Variants in CHSY3 observed in about 807,000 individuals in gnomAD.
CHSY3 encodes chondroitin sulfate synthase 3, also known as N-acetylgalactosaminyl-proteoglycan 3-beta-glucuronosyltransferase 3.
A neutral mutation model predicts 67.2 loss-of-function variants in CHSY3; 35 were observed. The observed-to-expected ratio is 0.52, with a 90% CI of 0.40 to 0.69. The LOEUF (loss-of-function observed/expected upper bound fraction) is 0.69. Among genes scored for constraint, CHSY3 ranks in the 30% least tolerant of loss-of-function variants. The pLI is 0.00. For missense variants in CHSY3, 1,069 were observed against 1,138.5 expected (o/e 0.94, Z 0.88); for synonymous variants, 474 against 434.7 (o/e 1.09, Z -1.12).
intron 2 of CHSY3, among the ~76,000 whole-genome samples, chr5:130,046,448 A>T (rs1224891087): frequency 6.6e-6 from 1 of 152,146 alleles, no homozygotes; most frequent in African/African-American, 2.4e-5. Context: ...TTTGGGTTTG[A>T]CCTTAAATTT....
chr5:129,972,606 T>C (rs547382956), intron 2 of CHSY3, among the ~76,000 whole-genome samples: 2 of 151,998 alleles, frequency 1.3e-5, no homozygotes, highest in East Asian at 3.9e-4. Context: ...CTCTGCAGTG[T>C]GTGTGTGTGT....
At chr5:130,072,976 G>T (rs1437099630) in intron 2 of CHSY3, among the ~76,000 whole-genome samples, 1 of 152,250 alleles carries the variant, frequency 6.6e-6, no homozygotes, top group Non-Finnish European at 1.5e-5. Flanking sequence ...TAGAAAGGTG[G>T]CTACCAGAGG....
intron 2 of CHSY3, among the ~76,000 whole-genome samples, chr5:130,149,307 C>T (rs983556792): frequency 6.6e-6 from 1 of 152,196 alleles, no homozygotes; most frequent in Non-Finnish European, 1.5e-5. Context: ...TTAATTGGCT[C>T]ATGGTTCTGC....
In CHSY3 at chr5:130,071,317, G is replaced by A. The variant is rs77980744; in HGVS notation, c.1087-112912G>A. Reference sequence around the variant, plus strand: ...GTTGCCTGGACTTTTACGTTTATATGTTTGCATGAAAATGAAGGTTTCACA... The same window carrying A: ...GTTGCCTGGACTTTTACGTTTATATATTTGCATGAAAATGAAGGTTTCACA... On this transcript the variant is annotated intron_variant, in intron 2 of 2. Transcript: ENST00000305031. Among the ~76,000 whole-genome samples, 258 of 152,104 alleles carry A rather than the reference G, an allele frequency of 1.7e-3. 5 individuals are homozygous for A. The highest frequency in any genetic ancestry group is 0.014 in the Middle Eastern group (4 of 294).
At chr5:130,087,526 A>G (rs1450134468) in intron 2 of CHSY3, among the ~76,000 whole-genome samples, 1 of 151,464 alleles carries the variant, frequency 6.6e-6, no homozygotes, top group Non-Finnish European at 1.5e-5. Context: ...AAATCTCAGG[A>G]TACAAAATCA....
chr5:130,104,377 A>T (rs1021795389), intron 2 of CHSY3, among the ~76,000 whole-genome samples: 1 of 151,882 alleles, frequency 6.6e-6, no homozygotes, highest in Non-Finnish European at 1.5e-5. Context: ...AACACCCTTG[A>T]TCAAATTAAC....
In CHSY3 at chr5:130,096,564, G is replaced by C. The variant is rs138583183; in HGVS notation, c.1087-87665G>C. Among the ~76,000 whole-genome samples the C allele has an allele frequency of 2.1e-3, 315 of 152,220 alleles. 4 individuals are homozygous for C. The highest frequency in any genetic ancestry group is 6.9e-3 in the African/African-American group (288 of 41,536). On this transcript the variant is annotated intron_variant, in intron 2 of 2. Coordinates refer to ENST00000305031, the MANE Select transcript of CHSY3 (RefSeq NM_175856.5). ...AGGGGAAGCTGTGAAGGATGTATGG[G>C]AATTTTCTGTACTATTTCTGCAACT...
At chr5:129,967,718 A>G (rs1158692894) in intron 2 of CHSY3, among the ~76,000 whole-genome samples, 1 of 151,830 alleles carries the variant, frequency 6.6e-6, no homozygotes, top group African/African-American at 2.4e-5. Context: ...AGTGAATAGA[A>G]AGGATCATTC....
chr5:129,913,701 A>G (rs1333848921), intron 2 of CHSY3, among the ~76,000 whole-genome samples: 1 of 152,150 alleles, frequency 6.6e-6, no homozygotes, highest in African/African-American at 2.4e-5. Context: ...TTATCATTTT[A>G]ATGTTTGCAG....
intron 2 of CHSY3, among the ~76,000 whole-genome samples, chr5:130,020,453 ATATATATATTTTT>A (rs1453784508): frequency 0.036 from 283 of 7,922 alleles, 9 homozygotes; most frequent in African/African-American, 0.11. Context: ...ATATATATAT[ATATATATATTTTT>A]TTTTTTTTTT....
intron 2 of CHSY3, among the ~76,000 whole-genome samples, chr5:130,022,297 GTTAGCATATA>G (rs1431640500): frequency 6.6e-6 from 1 of 151,994 alleles, no homozygotes; most frequent in African/African-American, 2.4e-5. Flanking sequence ...TAGTTACGTT[GTTAGCATATA>G]TTAGCATTAA....
rs763373085 is a variant in CHSY3 at position 130,184,974 on chromosome 5, A to G, written c.1832A>G (p.Lys611Arg). 2 of 1,563,570 alleles carry G rather than the reference A, an allele frequency of 1.3e-6. No homozygotes were observed. The highest frequency in any genetic ancestry group is 1.8e-6 in the Non-Finnish European group (2 of 1,134,374). ...ATATTATCTTCTTTTCAAGGTGCCA[A>G]AGAAATGGGAGGGCACAATGAAAAG... ...LKILSSFQGA[K>R]EMGGHNEKKV... Residue 611 changes from lysine (K) to arginine (R), a missense_variant, in exon 3 of 3, where the codon AAA becomes AGA. Physicochemically the swap from Lys to Arg is conservative, Grantham distance 26. Coordinates refer to ENST00000305031, the MANE Select transcript of CHSY3 (RefSeq NM_175856.5).
At chr5:129,967,801 C>G (rs1762512332) in intron 2 of CHSY3, among the ~76,000 whole-genome samples, 1 of 151,764 alleles carries the variant, frequency 6.6e-6, no homozygotes, top group Admixed American at 6.6e-5. Context: ...ATTAATTTTC[C>G]TAAGTGTTTG....
intron 2 of CHSY3, among the ~76,000 whole-genome samples, chr5:129,987,721 T>A (rs992857224): frequency 9.2e-5 from 14 of 152,226 alleles, no homozygotes; most frequent in African/African-American, 3.4e-4. Context: ...TATTTCTGTC[T>A]TGTATTAGTT....
intron 2 of CHSY3, among the ~76,000 whole-genome samples, chr5:129,930,681 C>T (rs1463499179): frequency 2.0e-5 from 3 of 151,904 alleles, no homozygotes; most frequent in Non-Finnish European, 4.4e-5. Context: ...AGAGGAAACC[C>T]GAGACCCTTA....
intron 2 of CHSY3, among the ~76,000 whole-genome samples, chr5:129,983,358 A>G (rs1194416345): frequency 6.6e-6 from 1 of 151,976 alleles, no homozygotes; most frequent in Non-Finnish European, 1.5e-5. Flanking sequence ...AATTTTTTTC[A>G]TGGTGTTCTT....
chr5:130,185,368 C>A lies in CHSY3; in HGVS notation c.2226C>A (p.Tyr742Ter). The A allele has an allele frequency of 6.2e-7, 1 of 1,603,484 alleles. No homozygotes were observed. Among genetic ancestry groups the A allele is most frequent in the Non-Finnish European group, 8.5e-7 (1 of 1,170,244 alleles). ...ATACAATTCAGGGACAACAGGTGTA[C>A]TATCCCATCATCTTTAGCCAGTATG... ...RDNTIQGQQV[Y>*]YPIIFSQYDP... is the part of the protein sequence containing the mutation. The change falls in exon 3 of 3, where the codon TAC becomes TAA. Residue 742 changes from tyrosine (Y) to a stop codon, truncating the protein, a stop_gained. Coordinates refer to ENST00000305031, the MANE Select transcript of CHSY3 (RefSeq NM_175856.5). LOFTEE classifies it high-confidence loss of function.
At chr5:129,910,954 A>G (rs1581356663) in intron 2 of CHSY3, among the ~76,000 whole-genome samples, 1 of 147,598 alleles carries the variant, frequency 6.8e-6, no homozygotes, top group Non-Finnish European at 1.5e-5. Context: ...AATTTCTTTT[A>G]TCTATGCCTT....
intron 2 of CHSY3, among the ~76,000 whole-genome samples, chr5:129,920,174 C>T (rs1760871972): frequency 6.6e-6 from 1 of 152,148 alleles, no homozygotes; most frequent in African/African-American, 2.4e-5. Context: ...CTTTAGATTC[C>T]ATGTAGAAGT....
Sources: gnomAD v4.1 joint callset for allele counts (sites outside exome capture counted in the v4.1 genomes callset) on GRCh38, gnomAD v4.1.1 for gene constraint, MANE v1.5 for transcripts, NCBI Gene and HGNC (gene_info 2026-07-23, HGNC 2026-07-21) for gene names.